The following USF2 variants were observed in gnomAD, a reference collection of about 807,000 sequenced individuals.
The protein encoded by USF2 is upstream transcription factor 2, c-fos interacting, also known as upstream stimulatory factor 2.
USF2 carries 16 observed loss-of-function variants against 46.9 expected under a neutral mutation model. The ratio of observed to expected loss-of-function variants is 0.34; its 90% CI spans 0.23 to 0.52. The LOEUF (loss-of-function observed/expected upper bound fraction) is 0.52. Ranked by LOEUF, USF2 falls within the 20% of genes least tolerant of loss-of-function variation. USF2 has a pLI of 0.96. For synonymous variants in USF2, 239 were observed against 194.1 expected (o/e 1.23, Z -1.92); for missense variants, 411 against 474.0 (o/e 0.87, Z 1.23).
chr19:35,270,943 T>A, intron 6 of USF2, 138 bp downstream of exon 6: 1 of 1,415,666 alleles, frequency 7.1e-7, no homozygotes, highest in Non-Finnish European at 9.9e-7. Flanking sequence ...GCTGCTCTAG[T>A]GCACATAAAG....
chr19:35,278,003 G>A (rs1314990214), intron 7 of USF2: 1 of 152,278 alleles, frequency 6.6e-6, no homozygotes, highest in East Asian at 1.9e-4. Flanking sequence ...GGTTTTTTAA[G>A]TAAAACCTTC....
intron 7 of USF2, among the ~76,000 whole-genome samples, chr19:35,274,480 G>A (rs577542122): frequency 2.6e-5 from 4 of 152,180 alleles, no homozygotes; most frequent in Non-Finnish European, 5.9e-5. Context: ...AGGGAGGGAG[G>A]TGCACTTGGC....
At chr19:35,276,305 C>CA (rs2066232926) in intron 7 of USF2, among the ~76,000 whole-genome samples, 1 of 152,162 alleles carries the variant, frequency 6.6e-6, no homozygotes. Context: ...CTCCTGGCCT[C>CA]ATGTGATCCA....
Position 35,270,704 on chromosome 19 carries a change from C to A in USF2, c.581-14C>A, listed in dbSNP as rs754576228. On this transcript the variant is annotated splice_polypyrimidine_tract_variant and intron_variant, in intron 5 of 9. Transcript: ENST00000222305. ...TCACCCTGCCTTGCCACTAACCCCC[C>A]ACTCTCCCTGCAGGCCAGTTCTACG... 2 of 1,614,044 alleles carry A rather than the reference C, an allele frequency of 1.2e-6. No homozygotes were observed. The highest frequency in any genetic ancestry group is 8.5e-7 in the Non-Finnish European group (1 of 1,179,972).
chr19:35,270,677 C>T, intron 5 of USF2, 41 bp from the exon 6 acceptor site: 1 of 1,613,124 alleles, frequency 6.2e-7, no homozygotes, highest in Non-Finnish European at 8.5e-7. Flanking sequence ...CCAGTTCTGA[C>T]TTCACCCTGC....
chr19:35,270,615 G>A lies in USF2; in HGVS notation c.580+18G>A. 6.2e-7 allele frequency: 1 copy of A among 1,612,436 alleles called. No homozygotes were observed. The highest frequency in any genetic ancestry group is 1.1e-5 in the South Asian group (1 of 91,050). On this transcript the variant is annotated intron_variant, in intron 5 of 9. Coordinates refer to ENST00000222305, the MANE Select transcript of USF2 (RefSeq NM_003367.4). ...GGCTGGAGGTGAGGAGTAGAAGTCAGATTGGCAGGTGGGGGAGGCAACGGG... is the reference window on the plus strand; with the variant it reads ...GGCTGGAGGTGAGGAGTAGAAGTCAAATTGGCAGGTGGGGGAGGCAACGGG...
At position 35,279,405 on chromosome 19, in the gene USF2, A is replaced by G; in HGVS notation, c.*149A>G. On this transcript the variant is annotated 3_prime_UTR_variant, in exon 10 of 10. Coordinates refer to ENST00000222305, the MANE Select transcript of USF2 (RefSeq NM_003367.4). ...AACAAAAAACGGGGAGAAATAATGC[A>G]TTTCTGTGGATACAGTGCCCACCGC... The G allele has an allele frequency of 2.3e-6, 2 of 862,480 alleles. No individual in the cohort carries two copies. Among genetic ancestry groups the G allele is most frequent in the East Asian group, 3.0e-5 (1 of 33,034 alleles). The allele number at this position is 862,480 out of a possible 1,614,324, so 53.4% of individuals were successfully genotyped here.
At chr19:35,279,101 G>A in intron 9 of USF2, 27 bp downstream of exon 9, 1 of 1,613,210 alleles carries the variant, frequency 6.2e-7, no homozygotes, top group Non-Finnish European at 8.5e-7. Context: ...GAGCGGGTCA[G>A]GGCCCAGGAG....
At chr19:35,269,268 CA>C in intron 1 of USF2, 105 bp downstream of exon 1, 2 of 943,730 alleles carry the variant, frequency 2.1e-6, no homozygotes, top group Non-Finnish European at 2.5e-6. Flanking sequence ...GGGCCCGGCT[CA>C]AAATGGAGGC....
chr19:35,271,196 C>G, intron 7 of USF2, 55 bp downstream of exon 7: 2 of 1,606,924 alleles, frequency 1.2e-6, no homozygotes, highest in South Asian at 2.2e-5. Context: ...ACAGGCTCAG[C>G]CAGCCCTGGA....
intron 2 of USF2, 22 bp downstream of exon 2, chr19:35,269,514 C>A: frequency 6.5e-7 from 1 of 1,541,178 alleles, no homozygotes; most frequent in Non-Finnish European, 8.7e-7. Flanking sequence ...CCGGGCCGGC[C>A]GCGCCCGGGG....
Position 35,279,238 on chromosome 19 carries a change from C to A in USF2, c.1023C>A (p.Gly341=). The change falls in exon 10 of 10, where the codon GGC becomes GGA. Residue 341 remains glycine (G), a synonymous_variant. Coordinates refer to ENST00000222305, the MANE Select transcript of USF2 (RefSeq NM_003367.4). ...QLQQHNLEMV[G]EGTRQ Reference sequence around the variant, plus strand: ...AGCAGCACAACCTGGAGATGGTGGGCGAGGGCACCCGGCAGTGACGCCCGC... The same window carrying A: ...AGCAGCACAACCTGGAGATGGTGGGAGAGGGCACCCGGCAGTGACGCCCGC... The A allele has an allele frequency of 6.5e-7, 1 of 1,548,972 alleles. No homozygotes were observed. The highest frequency in any genetic ancestry group is 1.2e-5 in the South Asian group (1 of 82,936).
At chr19:35,270,248 C>T (rs1218980839) in intron 4 of USF2, 199 bp from the exon 5 acceptor site, 2 of 937,462 alleles carry the variant, frequency 2.1e-6, no homozygotes, top group Admixed American at 3.1e-5. Flanking sequence ...GAGTGCGAAA[C>T]GGATTTGCTC....
chr19:35,274,263 CCT>C lies in USF2; in HGVS notation c.727+3123_727+3124del, dbSNP rs1312183521. The stretch of plus-strand genomic sequence containing the variant: ...TCTTTGCAGAGCAGCAAAAGCTACC[CCT>C]GTCACAGCTGCCCAAGCCAGAAACT... On this transcript the variant is annotated intron_variant, in intron 7 of 9. Coordinates refer to ENST00000222305, the MANE Select transcript of USF2 (RefSeq NM_003367.4). 2.0e-4 allele frequency among the ~76,000 whole-genome samples: 31 copies of C among 152,332 alleles called. No homozygotes were observed. The East Asian group carries it at 6.0e-3, about 29-fold the overall frequency.
intron 4 of USF2, 128 bp downstream of exon 4, chr19:35,270,131 C>T (rs759449570): frequency 1.1e-5 from 12 of 1,127,226 alleles, no homozygotes; most frequent in East Asian, 3.1e-5. Context: ...CCTCAGGCTG[C>T]ATGGGGCCAG....
chr19:35,271,606 A>C (rs945701953), intron 7 of USF2, among the ~76,000 whole-genome samples: 1 of 152,284 alleles, frequency 6.6e-6, no homozygotes, highest in Non-Finnish European at 1.5e-5. Flanking sequence ...GCCTCTGGCT[A>C]CCTAAGGCCG....
chr19:35,273,080 G>C (rs1239560674), intron 7 of USF2, among the ~76,000 whole-genome samples: 1 of 151,866 alleles, frequency 6.6e-6, no homozygotes, highest in Non-Finnish European at 1.5e-5. Context: ...CTCTCCCTTA[G>C]TTAATCTGAC....
At chr19:35,271,695 A>C (rs538280377) in intron 7 of USF2, among the ~76,000 whole-genome samples, 54 of 152,360 alleles carry the variant, frequency 3.5e-4, no homozygotes, top group African/African-American at 1.2e-3. Context: ...CCCGCCTGTC[A>C]GTAGCCACTG....
chr19:35,279,763 A>T lies in USF2; in HGVS notation c.*507A>T, dbSNP rs1267246733. On this transcript the variant is annotated 3_prime_UTR_variant, in exon 10 of 10. Transcript: ENST00000222305. ...CTTTATGGAAAAATTGACAAAAAAA[A>T]AATAGAGAGAGAGGTATTTAACTGC... The T allele has an allele frequency of 1.3e-5, 2 of 154,898 alleles. No individual in the cohort carries two copies. Among genetic ancestry groups the T allele is most frequent in the African/African-American group, 4.9e-5 (2 of 40,784 alleles). The allele number at this position is 154,898 out of a possible 1,614,324, so 9.6% of individuals were successfully genotyped here.
Sources: gnomAD v4.1 joint callset for allele counts (sites outside exome capture counted in the v4.1 genomes callset) on GRCh38, gnomAD v4.1.1 for gene constraint, MANE v1.5 for transcripts, NCBI Gene and HGNC (gene_info 2026-07-23, HGNC 2026-07-21) for gene names.